The following RGS7 variants were observed in gnomAD, a reference collection of about 807,000 sequenced individuals.
RGS7 encodes regulator of G protein signaling 7, also known as regulator of G-protein signaling 7.
A neutral mutation model predicts 81.1 loss-of-function variants in RGS7; 27 were observed. That is an observed-to-expected ratio of 0.33 (90% CI 0.25 to 0.46). The LOEUF is 0.46. Ranked by LOEUF, RGS7 falls within the 20% of genes least tolerant of loss-of-function variation. The pLI is 1.00. For synonymous variants in RGS7, 208 were observed against 207.7 expected (o/e 1.00, Z -0.01); for missense variants, 396 against 607.4 (o/e 0.65, Z 3.66).
At chr1:241,119,433 A>G (rs989471188) in intron 2 of RGS7, among the ~76,000 whole-genome samples, 1 of 152,308 alleles carries the variant, frequency 6.6e-6, no homozygotes, top group African/African-American at 2.4e-5. Context: ...TACTATACCA[A>G]AACTCCACAG....
intron 9 of RGS7, among the ~76,000 whole-genome samples, chr1:240,834,352 T>C (rs916451288): frequency 1.3e-5 from 2 of 152,208 alleles, no homozygotes; most frequent in Non-Finnish European, 1.5e-5. Flanking sequence ...CTTCAGTGTA[T>C]GCTGTGAATG....
chr1:240,827,649 G>T (rs1693076744), intron 9 of RGS7, among the ~76,000 whole-genome samples: 1 of 152,024 alleles, frequency 6.6e-6, no homozygotes, highest in African/African-American at 2.4e-5. Context: ...GATCACCTGA[G>T]GTAAGGAGTT....
At chr1:241,037,508 C>A (rs1169218302) in intron 3 of RGS7, among the ~76,000 whole-genome samples, 1 of 152,098 alleles carries the variant, frequency 6.6e-6, no homozygotes, top group African/African-American at 2.4e-5. Flanking sequence ...ATCACAAGGT[C>A]AGGAGTTCGA....
intron 3 of RGS7, among the ~76,000 whole-genome samples, chr1:241,063,384 A>G (rs1265161983): frequency 6.6e-6 from 1 of 152,186 alleles, no homozygotes; most frequent in Non-Finnish European, 1.5e-5. Context: ...TAAAAAAGGC[A>G]GTAAATGTCT....
At chr1:241,219,982 A>G (rs1388858497) in intron 2 of RGS7, among the ~76,000 whole-genome samples, 2 of 152,138 alleles carry the variant, frequency 1.3e-5, no homozygotes, top group Admixed American at 6.5e-5. Flanking sequence ...GTGACAATCC[A>G]TATTGTCTGT....
chr1:240,899,187 T>C (rs1377125305), intron 6 of RGS7, among the ~76,000 whole-genome samples: 3 of 152,188 alleles, frequency 2.0e-5, no homozygotes, highest in Non-Finnish European at 4.4e-5. Context: ...TCTCTGTACA[T>C]GAGACGGGTC....
chr1:241,235,683 TCTCTCTC>T (rs2075920112), intron 2 of RGS7, among the ~76,000 whole-genome samples: 2 of 28,304 alleles, frequency 7.1e-5, no homozygotes, highest in African/African-American at 2.9e-4. Context: ...TCTCTTTCTT[TCTCTCTC>T]TCTTTCTCTC....
chr1:241,257,587 T>C (rs1340908589), intron 2 of RGS7, among the ~76,000 whole-genome samples: 1 of 152,202 alleles, frequency 6.6e-6, no homozygotes, highest in Non-Finnish European at 1.5e-5. Flanking sequence ...GGGGAAACAA[T>C]ACATTTCCCT....
At chr1:241,346,155 A>AAG (rs2082884194) in intron 2 of RGS7, among the ~76,000 whole-genome samples, 1 of 151,908 alleles carries the variant, frequency 6.6e-6, no homozygotes, top group Non-Finnish European at 1.5e-5. Flanking sequence ...TTTGATAAAA[A>AAG]AAACTGTCAA....
chr1:240,794,750 T>A (rs918598411), intron 18 of RGS7, among the ~76,000 whole-genome samples: 55 of 152,342 alleles, frequency 3.6e-4, no homozygotes, highest in Non-Finnish European at 6.8e-4. Flanking sequence ...GGGCTGGGGC[T>A]GTGATTCCCA....
intron 2 of RGS7, among the ~76,000 whole-genome samples, chr1:241,220,235 G>A (rs2074813431): frequency 6.6e-6 from 1 of 152,142 alleles, no homozygotes; most frequent in Admixed American, 6.5e-5. Flanking sequence ...ACTTTTAAAA[G>A]AAACAATCTT....
intron 6 of RGS7, among the ~76,000 whole-genome samples, chr1:240,895,952 G>T (rs1669023788): frequency 6.6e-6 from 1 of 152,170 alleles, no homozygotes; most frequent in Non-Finnish European, 1.5e-5. Context: ...AGCAACTGTT[G>T]TTTCCTGACT....
intron 2 of RGS7, among the ~76,000 whole-genome samples, chr1:241,325,732 A>G (rs754846643): frequency 3.3e-5 from 5 of 152,146 alleles, no homozygotes; most frequent in Non-Finnish European, 5.9e-5. Flanking sequence ...ATGTTTTAGG[A>G]CAACATTCTG....
intron 2 of RGS7, among the ~76,000 whole-genome samples, chr1:241,259,667 A>AAAAAAATATATATAT: frequency 2.4e-4 from 12 of 49,138 alleles, no homozygotes; most frequent in African/African-American, 3.2e-4. Context: ...AAAAAAAAAA[A>AAAAAAATATATATAT]ATATATATAT....
intron 3 of RGS7, among the ~76,000 whole-genome samples, chr1:241,051,166 G>A (rs1025536889): frequency 6.6e-6 from 1 of 152,162 alleles, no homozygotes. Context: ...AGGAAGCACA[G>A]AGAAAAATAG....
rs985255529 is a variant in RGS7, at chr1:241,144,842, T to C, written c.79-46080A>G. 2.9e-4 allele frequency among the ~76,000 whole-genome samples: 44 copies of C among 152,116 alleles called. No homozygotes were observed. The highest frequency in any genetic ancestry group is 6.2e-4 in the South Asian group (3 of 4,806). ...CAGAAGATCATTTCTCCTCTTTCAT[T>C]TTCTTGCTGCCTTTTCTTTCTTAAA... On this transcript the variant is annotated intron_variant, in intron 2 of 18. Coordinates refer to ENST00000440928, the MANE Select transcript of RGS7 (RefSeq NM_001364886.1). This position sits in a 1 kb window ranked among gnomAD's most constrained non-coding sequence, Gnocchi z 4.7.
chr1:241,103,850 C>A (rs1006058), intron 2 of RGS7, among the ~76,000 whole-genome samples: 3 of 151,974 alleles, frequency 2.0e-5, no homozygotes, highest in South Asian at 4.2e-4. Flanking sequence ...CTCCAGCTTG[C>A]GCTACAGAAT....
chr1:240,841,636 A>G (rs968658849), intron 9 of RGS7, among the ~76,000 whole-genome samples: 1 of 152,224 alleles, frequency 6.6e-6, no homozygotes, highest in African/African-American at 2.4e-5. Context: ...TAGATTAGTC[A>G]CTATGAACCT....
At chr1:241,022,632 A>G (rs899863326) in intron 3 of RGS7, among the ~76,000 whole-genome samples, 1 of 152,154 alleles carries the variant, frequency 6.6e-6, no homozygotes, top group Non-Finnish European at 1.5e-5. Context: ...GACCTGTCCA[A>G]TCAGCACTCC....
Sources: gnomAD v4.1 joint callset for allele counts (sites outside exome capture counted in the v4.1 genomes callset) on GRCh38, gnomAD v4.1.1 for gene constraint, Gnocchi (gnomAD v3.1) non-coding constraint, MANE v1.5 for transcripts, NCBI Gene and HGNC (gene_info 2026-07-23, HGNC 2026-07-21) for gene names.